DOCK3: variants seen among roughly 807,000 people sequenced by gnomAD.
DOCK3 encodes dedicator of cytokinesis protein 3.
DOCK3 carries 60 observed loss-of-function variants against 265.6 expected under a neutral mutation model. The ratio of observed to expected loss-of-function variants is 0.23; its 90% CI spans 0.18 to 0.28. The LOEUF (loss-of-function observed/expected upper bound fraction) is 0.28. DOCK3 is among the 10% of genes least tolerant of loss of function. The probability of loss-of-function intolerance (pLI) is 1.00; values close to 1 mark genes in which losing one functional copy is unlikely to be tolerated. For missense variants in DOCK3, 1,981 were observed against 2,594.3 expected, an observed-to-expected ratio of 0.76 and a Z score of 5.14; for synonymous variants, 881 against 938.0, an observed-to-expected ratio of 0.94 and a Z score of 1.11.
intron 5 of DOCK3, among the ~76,000 whole-genome samples, chr3:51,057,020 C>T (rs147989071): frequency 0.013 from 1,932 of 152,202 alleles, 48 homozygotes; most frequent in African/African-American, 0.044. Context: ...ATTAATTGGT[C>T]CGTAAGCATA....
chr3:50,759,892 T>C (rs2040422538), intron 1 of DOCK3, among the ~76,000 whole-genome samples: 1 of 151,976 alleles, frequency 6.6e-6, no homozygotes, highest in Non-Finnish European at 1.5e-5. Context: ...TTGTTGCTGA[T>C]CTGTAGGAGT....
At chr3:51,105,403 C>G (rs1236939582) in intron 9 of DOCK3, among the ~76,000 whole-genome samples, 1 of 152,116 alleles carries the variant, frequency 6.6e-6, no homozygotes, top group African/African-American at 2.4e-5. Context: ...CAGTTCTGCT[C>G]CTAGGTGTAT....
At chr3:50,828,915 T>C (rs2044949624) in intron 2 of DOCK3, among the ~76,000 whole-genome samples, 1 of 152,068 alleles carries the variant, frequency 6.6e-6, no homozygotes, top group African/African-American at 2.4e-5. Flanking sequence ...GGTTTCACCA[T>C]GTTGGTCAGA....
intron 8 of DOCK3, among the ~76,000 whole-genome samples, 198 bp from the exon 9 acceptor site, chr3:51,090,032 C>T (rs1560046094): frequency 6.6e-6 from 1 of 151,634 alleles, no homozygotes; most frequent in African/African-American, 2.4e-5. Context: ...CTGTTTACTC[C>T]TCCCAGCTGC....
At chr3:50,875,470 A>G (rs1204553809) in intron 3 of DOCK3, among the ~76,000 whole-genome samples, 2 of 152,102 alleles carry the variant, frequency 1.3e-5, no homozygotes, top group Non-Finnish European at 2.9e-5. Flanking sequence ...GTTCAGGTAA[A>G]TTCCTTCCAT....
chr3:50,916,202 A>G (rs981962920), intron 4 of DOCK3, among the ~76,000 whole-genome samples: 1 of 151,956 alleles, frequency 6.6e-6, no homozygotes, highest in African/African-American at 2.4e-5. Flanking sequence ...CATTGGCCTG[A>G]GTGTTGAGGC....
Position 51,359,701 on chromosome 3 carries a change from C to A in DOCK3, c.4885-810C>A, listed in dbSNP as rs985676295. ...TACATCACGTTCTTCCGTGTGCACACATAGCCTTTCTCCAGCTACAGAAAT... is the reference window on the plus strand; with the variant it reads ...TACATCACGTTCTTCCGTGTGCACAAATAGCCTTTCTCCAGCTACAGAAAT... On this transcript the variant is annotated intron_variant, in intron 46 of 52. Transcript: ENST00000266037. The surrounding 1 kb of genome is among the most constrained non-coding windows in gnomAD (Gnocchi z 4.8). Among the ~76,000 whole-genome samples the A allele has an allele frequency of 6.6e-6, 1 of 152,228 alleles. No homozygotes were observed. Among genetic ancestry groups the A allele is most frequent in the Non-Finnish European group, 1.5e-5 (1 of 68,044 alleles).
chr3:51,351,282 C>T (rs1213690833), intron 40 of DOCK3, among the ~76,000 whole-genome samples: 3 of 152,216 alleles, frequency 2.0e-5, no homozygotes, highest in African/African-American at 4.8e-5. Flanking sequence ...GTCCACAAGC[C>T]TCAGCAAGTA....
chr3:51,161,290 A>G (rs183358363), intron 12 of DOCK3, among the ~76,000 whole-genome samples: 3 of 151,506 alleles, frequency 2.0e-5, no homozygotes, highest in African/African-American at 7.3e-5. Flanking sequence ...TAAAAATACA[A>G]AAAATTAGCT....
chr3:51,084,283 A>T (rs1333496176), intron 7 of DOCK3, among the ~76,000 whole-genome samples: 2 of 152,212 alleles, frequency 1.3e-5, no homozygotes, highest in African/African-American at 4.8e-5. Flanking sequence ...AAAGGTATAT[A>T]TATATAATCA....
chr3:50,985,893 C>G (rs1294528901), intron 5 of DOCK3, among the ~76,000 whole-genome samples: 1 of 151,784 alleles, frequency 6.6e-6, no homozygotes, highest in Non-Finnish European at 1.5e-5. Flanking sequence ...GTACGACAGC[C>G]ATGTGACCCT....
chr3:50,876,044 G>A (rs1575421167), intron 3 of DOCK3, among the ~76,000 whole-genome samples: 1 of 152,030 alleles, frequency 6.6e-6, no homozygotes, highest in South Asian at 2.1e-4. Context: ...TGCATGCTAT[G>A]TAAAACATAA....
chr3:50,724,634 A>G (rs1294779653), intron 1 of DOCK3, among the ~76,000 whole-genome samples: 1 of 151,950 alleles, frequency 6.6e-6, no homozygotes, highest in Non-Finnish European at 1.5e-5. Flanking sequence ...GTGGGAATGG[A>G]ACAATAACAC....
At chr3:51,124,978 A>G (rs1201238017) in intron 9 of DOCK3, among the ~76,000 whole-genome samples, 1 of 151,726 alleles carries the variant, frequency 6.6e-6, no homozygotes, top group East Asian at 1.9e-4. Context: ...AAAAAAAAAA[A>G]AAAAAAAAAA....
At chr3:50,975,650 G>T (rs961278504) in intron 5 of DOCK3, among the ~76,000 whole-genome samples, 1 of 152,192 alleles carries the variant, frequency 6.6e-6, no homozygotes, top group Non-Finnish European at 1.5e-5. Context: ...AATGATGCTG[G>T]CCTCATGAAA....
rs548349541 is a variant in DOCK3 at position 51,383,080 on chromosome 3, C to G, written c.*1521C>G. The G allele has an allele frequency of 1.8e-4, 28 of 152,374 alleles. 1 individual carries two copies. The highest frequency in any genetic ancestry group is 6.5e-5 in the Admixed American group (1 of 15,306). The allele number at this position is 152,374 out of a possible 1,614,324, so 9.4% of individuals were successfully genotyped here. On this transcript the variant is annotated 3_prime_UTR_variant, in exon 53 of 53. Transcript: ENST00000266037. ...CTGCTGGCCTGTATGACCTCCACAGCCAGGCCCTGGGCCCAAGCCCCTTGT... is the reference window on the plus strand; with the variant it reads ...CTGCTGGCCTGTATGACCTCCACAGGCAGGCCCTGGGCCCAAGCCCCTTGT...
intron 2 of DOCK3, among the ~76,000 whole-genome samples, chr3:50,821,400 C>T (rs1201314078): frequency 2.6e-5 from 4 of 151,850 alleles, no homozygotes; most frequent in Admixed American, 1.3e-4. Context: ...CCCGGGTTCA[C>T]GCCATTCTCC....
At chr3:51,208,924 C>A in intron 13 of DOCK3, 62 bp downstream of exon 13, 1 of 1,480,630 alleles carries the variant, frequency 6.8e-7, no homozygotes, top group Non-Finnish European at 9.3e-7. Context: ...TCATACAGCA[C>A]TTAGATTGGT....
chr3:50,842,952 C>T (rs1015562764), intron 3 of DOCK3, among the ~76,000 whole-genome samples: 1 of 152,080 alleles, frequency 6.6e-6, no homozygotes, highest in African/African-American at 2.4e-5. Flanking sequence ...TGGCCACCTC[C>T]CACTATCTTA....
Sources: allele counts gnomAD v4.1 joint callset (sites outside exome capture counted in the v4.1 genomes callset), GRCh38; gene constraint gnomAD v4.1.1; non-coding constraint Gnocchi (gnomAD v3.1); transcripts MANE v1.5; gene names NCBI Gene and HGNC (gene_info 2026-07-23, HGNC 2026-07-21).